Variants in NSUN6 observed in about 807,000 individuals in gnomAD.
NSUN6 encodes the protein tRNA (cytosine(72)-C(5))-methyltransferase NSUN6.
A neutral mutation model predicts 58.0 loss-of-function variants in NSUN6; 64 were observed. The ratio of observed to expected loss-of-function variants is 1.10; its 90% confidence interval spans 0.90 to 1.36. The LOEUF (loss-of-function observed/expected upper bound fraction) is 1.36. Ranked by LOEUF, NSUN6 falls within the 40% of genes most tolerant of loss-of-function variation. The pLI, the probability that NSUN6 is intolerant of heterozygous loss-of-function variation, is 0.00. For synonymous variants in NSUN6, 231 were observed against 193.9 expected, an observed-to-expected ratio of 1.19 and a Z score of -1.59; for missense variants, 701 against 550.1, an observed-to-expected ratio of 1.27 and a Z score of -2.74.
intron 8 of NSUN6, among the ~76,000 whole-genome samples, chr10:18,555,652 C>A (rs1315519198): frequency 3.7e-5 from 2 of 53,558 alleles, no homozygotes; most frequent in African/African-American, 1.3e-4. Context: ...TAATGGAGAA[C>A]AGAATGGAAT....
intron 3 of NSUN6, among the ~76,000 whole-genome samples, chr10:18,618,865 A>T (rs1053000401): frequency 5.9e-5 from 9 of 151,628 alleles, no homozygotes; most frequent in Admixed American, 4.6e-4. Flanking sequence ...TTTAATTTTA[A>T]TGATAATTTA....
intron 8 of NSUN6, among the ~76,000 whole-genome samples, chr10:18,556,958 G>A (rs2055074364): frequency 1.3e-5 from 2 of 150,598 alleles, no homozygotes; most frequent in East Asian, 2.0e-4. Flanking sequence ...GGAATGGAAT[G>A]GAGAATGGAA....
chr10:18,653,189 TAG>T (rs1272499915), upstream of NSUN6: 1 of 984,608 alleles, frequency 1.0e-6, no homozygotes, highest in Non-Finnish European at 1.2e-6. Flanking sequence ...TCCACAAGGA[TAG>T]AGACTTTATC....
intron 7 of NSUN6, among the ~76,000 whole-genome samples, chr10:18,586,673 A>G (rs112978115): frequency 0.048 from 7,372 of 152,316 alleles, 272 homozygotes; most frequent in Non-Finnish European, 0.077. Context: ...TGAGTGTTAC[A>G]GCTCACAAAG....
At chr10:18,589,579 C>A (rs956082479) in intron 7 of NSUN6, among the ~76,000 whole-genome samples, 1 of 152,108 alleles carries the variant, frequency 6.6e-6, no homozygotes, top group East Asian at 1.9e-4. Flanking sequence ...ACCCTACAAG[C>A]CAAAATAGAA....
At chr10:18,580,901 G>C (rs2131067085) in intron 8 of NSUN6, among the ~76,000 whole-genome samples, 1 of 152,296 alleles carries the variant, frequency 6.6e-6, no homozygotes, top group South Asian at 2.1e-4. Flanking sequence ...GAGTGATCTT[G>C]GTTGAGGCAA....
intron 8 of NSUN6, among the ~76,000 whole-genome samples, chr10:18,578,587 A>G (rs565871727): frequency 6.6e-6 from 1 of 152,240 alleles, no homozygotes; most frequent in Admixed American, 6.5e-5. Flanking sequence ...GCCCCCCAAC[A>G]TCAATTCAAC....
At chr10:18,600,927 C>CAAA (rs1242151513) in intron 6 of NSUN6, among the ~76,000 whole-genome samples, 4,487 of 43,608 alleles carry the variant, frequency 0.1, 536 homozygotes, top group Non-Finnish European at 0.14. Flanking sequence ...GACTCCATCT[C>CAAA]AAAAAAAAAA....
chr10:18,650,676 A>G (rs576838012), intron 1 of NSUN6, among the ~76,000 whole-genome samples: 49 of 152,242 alleles, frequency 3.2e-4, no homozygotes, highest in Non-Finnish European at 6.0e-4. Context: ...CAAGTCTATT[A>G]AAAGAGGAAA....
upstream of NSUN6, chr10:18,653,378 TTTTG>T (rs984770512): frequency 7.3e-6 from 7 of 964,046 alleles, no homozygotes; most frequent in Admixed American, 2.5e-4. Flanking sequence ...ATTTAGACTT[TTTTG>T]TTTGTTTGAG....
At chr10:18,555,461 T>C (rs2054926641) in intron 8 of NSUN6, among the ~76,000 whole-genome samples, 1 of 146,568 alleles carries the variant, frequency 6.8e-6, no homozygotes, top group Non-Finnish European at 1.5e-5. Flanking sequence ...GAATAGAGAA[T>C]GGGATAGAAT....
chr10:18,563,722 G>A (rs527474484), intron 8 of NSUN6, among the ~76,000 whole-genome samples: 18 of 142,180 alleles, frequency 1.3e-4, no homozygotes, highest in East Asian at 4.2e-4. Flanking sequence ...ATTCCACTCC[G>A]TTCCATTCTC....
Position 18,651,432 on chromosome 10 carries a change from C to G in NSUN6, c.-229G>C. The G allele has an allele frequency of 1.6e-6, 2 of 1,228,654 alleles. No homozygotes were observed. Among genetic ancestry groups the G allele is most frequent in the South Asian group, 5.9e-5 (2 of 33,690 alleles). The allele number at this position is 1,228,654 out of a possible 1,614,324, so 76.1% of individuals were successfully genotyped here. A position where few individuals can be genotyped will look rare whatever the true frequency, so the allele number is the denominator to read the frequency against. ...CCACACCTCATCGAGGCAATGTTTT[C>G]TGGTAGAGATGCTCATGGAAATCAC... On this transcript the variant is annotated 5_prime_UTR_variant, in exon 1 of 11. Transcript: ENST00000377304.
chr10:18,593,753 T>C (rs2057468176), intron 7 of NSUN6, among the ~76,000 whole-genome samples: 1 of 151,894 alleles, frequency 6.6e-6, no homozygotes, highest in African/African-American at 2.4e-5. Context: ...AAATACCTAA[T>C]GCATGTGGGG....
chr10:18,590,591 G>C (rs1042248591), intron 7 of NSUN6, among the ~76,000 whole-genome samples: 3 of 152,202 alleles, frequency 2.0e-5, no homozygotes, highest in Admixed American at 2.0e-4. Context: ...TAGGACTCAG[G>C]ATTAAGAAAC....
At chr10:18,592,870 T>C (rs1176021305) in intron 7 of NSUN6, among the ~76,000 whole-genome samples, 1 of 152,100 alleles carries the variant, frequency 6.6e-6, no homozygotes, top group Non-Finnish European at 1.5e-5. Context: ...GGGATCTAAT[T>C]AAACTAAAGA....
intron 6 of NSUN6, among the ~76,000 whole-genome samples, chr10:18,596,908 A>G (rs1434749874): frequency 6.6e-6 from 1 of 152,196 alleles, no homozygotes; most frequent in Non-Finnish European, 1.5e-5. Flanking sequence ...CAGTTAACCA[A>G]GAATATAACT....
chr10:18,579,010 T>G (rs1157094141), intron 8 of NSUN6, among the ~76,000 whole-genome samples: 1 of 152,158 alleles, frequency 6.6e-6, no homozygotes, highest in Admixed American at 6.5e-5. Context: ...ATTATGAAAC[T>G]CCTACAAATA....
At chr10:18,586,235 A>C (rs1482376036) in intron 7 of NSUN6, 142 bp from the exon 8 acceptor site, 7 of 647,678 alleles carry the variant, frequency 1.1e-5, no homozygotes, top group Non-Finnish European at 1.7e-5. Context: ...ACCTCTATCC[A>C]TTAACCAAAT....
Sources: allele counts gnomAD v4.1 joint callset (sites outside exome capture counted in the v4.1 genomes callset), GRCh38; gene constraint gnomAD v4.1.1; transcripts MANE v1.5; gene names NCBI Gene and HGNC (gene_info 2026-07-23, HGNC 2026-07-21).